The following TOP2A variants were observed in gnomAD, a reference collection of about 807,000 sequenced individuals.
TOP2A encodes DNA topoisomerase II alpha, also known as DNA topoisomerase 2-alpha.
Under a neutral mutation model 187.2 loss-of-function variants are expected in TOP2A, and 68 were observed. The observed-to-expected ratio is 0.36, with a 90% CI of 0.30 to 0.44. The LOEUF is 0.44. Ranked by LOEUF, TOP2A falls within the 20% of genes least tolerant of loss-of-function variation. TOP2A has a pLI of 1.00. For missense variants in TOP2A, 1,196 were observed against 1,808.7 expected (o/e 0.66, Z 6.14); for synonymous variants, 542 against 593.2 (o/e 0.91, Z 1.25).
intron 27 of TOP2A, 122 bp from the exon 28 acceptor site, chr17:40,396,587 A>G: frequency 8.4e-7 from 1 of 1,188,746 alleles, no homozygotes; most frequent in Non-Finnish European, 1.2e-6. Flanking sequence ...AAATTGCTCC[A>G]TAACCTAGTA....
chr17:40,390,524 T>C (rs1703476224), intron 33 of TOP2A, among the ~76,000 whole-genome samples: 1 of 151,936 alleles, frequency 6.6e-6, no homozygotes. Flanking sequence ...TTGTTCTCAT[T>C]GCGAACTTTC....
At chr17:40,410,653 A>G (rs1436978977) in intron 10 of TOP2A, 2 of 455,884 alleles carry the variant, frequency 4.4e-6, no homozygotes, top group Admixed American at 4.7e-5. Context: ...CGGATTAGAG[A>G]GGAGGGGAAA....
intron 4 of TOP2A, among the ~76,000 whole-genome samples, chr17:40,414,854 C>CA (rs531134947): frequency 0.067 from 3,188 of 47,426 alleles, 83 homozygotes; most frequent in African/African-American, 0.13. Flanking sequence ...AAAACTCCAT[C>CA]AAAAAAAAAA....
chr17:40,412,846 A>G lies in TOP2A; in HGVS notation c.702T>C (p.Asp234=), dbSNP rs568310699. 8.1e-6 allele frequency: 13 copies of G among 1,614,010 alleles called. No individual in the cohort carries two copies. In the African/African-American group the frequency reaches 1.1e-4, roughly 13 times the overall value. The change falls in exon 7 of 35, where the codon GAT becomes GAC. Residue 234 remains aspartate (D), a synonymous_variant. Coordinates refer to ENST00000423485, the MANE Select transcript of TOP2A (RefSeq NM_001067.4). Reference sequence around the variant, plus strand: ...CTCTTCTGACCATTAGTGCAACAATATCTTTGTCCAGGCTTTGCATTTTAA... The same window carrying G: ...CTCTTCTGACCATTAGTGCAACAATGTCTTTGTCCAGGCTTTGCATTTTAA... ...SKFKMQSLDK[D]IVALMVRRAY...
In TOP2A at chr17:40,398,542, A is replaced by G. The variant is rs201752684; in HGVS notation, c.3537+16T>C. ...CATTAATAAAAATTCTAACATGGGC[A>G]TTATAAACTACATACCTCCAATTCT... is the stretch of plus-strand genomic sequence containing the variant. On this transcript the variant is annotated intron_variant, in intron 27 of 34. Coordinates refer to ENST00000423485, the MANE Select transcript of TOP2A (RefSeq NM_001067.4). 646 of 1,550,798 alleles carry G rather than the reference A, an allele frequency of 4.2e-4. 1 individual carries two copies. Among genetic ancestry groups the G allele is most frequent in the South Asian group, 9.6e-4 (80 of 83,700 alleles).
rs1163418934 is a variant in TOP2A, at chr17:40,389,508, C to T, written c.*11G>A. Reference sequence around the variant, plus strand: ...TGGTAAGATAATTACTTAAAATAATCGCCTCACATTTTAAAACAGATCATC... The same window carrying T: ...TGGTAAGATAATTACTTAAAATAATTGCCTCACATTTTAAAACAGATCATC... On this transcript the variant is annotated 3_prime_UTR_variant, in exon 35 of 35. Coordinates refer to ENST00000423485, the MANE Select transcript of TOP2A (RefSeq NM_001067.4). The T allele has an allele frequency of 6.3e-6, 10 of 1,576,078 alleles. No homozygotes were observed. The highest frequency in any genetic ancestry group is 2.3e-5 in the South Asian group (2 of 86,066).
In TOP2A at chr17:40,395,477, TCTTTGTTTTAGGC is replaced by T; in HGVS notation, c.3770_3782del (p.Gly1257AspfsTer2). On this transcript the variant is annotated frameshift_variant, in exon 29 of 35. Transcript: ENST00000423485. LOFTEE classifies it high-confidence loss of function. ...GTTCTCTTTTCTGTTTCTTTTCTAA[TCTTTGTTTTAGGC>T]CTTCTAGTTCCACACCATCTTCTTG... The T allele has an allele frequency of 1.2e-6, 2 of 1,611,038 alleles. No homozygotes were observed. The highest frequency in any genetic ancestry group is 1.7e-6 in the Non-Finnish European group (2 of 1,178,458).
chr17:40,406,583 C>T lies in TOP2A; in HGVS notation c.1843+1G>A, dbSNP rs2143664970. 1 of 1,607,372 alleles carries T rather than the reference C, an allele frequency of 6.2e-7. No homozygotes were observed. Among genetic ancestry groups the T allele is most frequent in the African/African-American group, 1.3e-5 (1 of 74,712 alleles). ...AGTTCTATATGGGTTTCATTACAAACCTTTGTAATATTTGACTTTCCATTT... is the reference window on the plus strand; with the variant it reads ...AGTTCTATATGGGTTTCATTACAAATCTTTGTAATATTTGACTTTCCATTT... On this transcript the variant is annotated splice_donor_variant, in intron 15 of 34. Coordinates refer to ENST00000423485, the MANE Select transcript of TOP2A (RefSeq NM_001067.4). LOFTEE classifies it high-confidence loss of function.
chr17:40,416,892 C>T lies in TOP2A; in HGVS notation c.25G>A (p.Val9Ile), dbSNP rs2143697269. The T allele has an allele frequency of 6.3e-7, 1 of 1,594,990 alleles. No homozygotes were observed. The highest frequency in any genetic ancestry group is 8.5e-7 in the Non-Finnish European group (1 of 1,173,182). Residue 9 changes from valine (V) to isoleucine (I), a missense_variant, in exon 2 of 35, where the codon GTA becomes ATA. Physicochemically the swap from Val to Ile is conservative, Grantham distance 29. Around this residue, in one of 10 missense-constraint regions of TOP2A, gnomAD observed 97 missense variants for 171.0 expected, o/e 0.57. Transcript: ENST00000423485. ...TTGTTGACTTGCATATTTTCATTTA[C>T]AGGCTAGCAATTAAAAAAAAAGAGA... MEVSPLQP[V>I]NENMQVNKIK... is the part of the protein sequence containing the mutation.
chr17:40,413,325 G>A, intron 5 of TOP2A, 33 bp from the exon 6 acceptor site: 1 of 1,505,804 alleles, frequency 6.6e-7, no homozygotes, highest in Non-Finnish European at 9.0e-7. Flanking sequence ...CTATTTTATT[G>A]TTACTATCTC....
At position 40,400,532 on chromosome 17, in the gene TOP2A, G is replaced by C. The variant is rs769207091; in HGVS notation, c.2796C>G (p.Thr932=). ...EISELPVRTW[T]QTYKEQVLEP... Reference sequence around the variant, plus strand: ...AAAGAAATCCATAATTATTTACCTGGGTCCATGTTCTGACGGGAAGCTCTG... The same window carrying C: ...AAAGAAATCCATAATTATTTACCTGCGTCCATGTTCTGACGGGAAGCTCTG... The change falls in exon 22 of 35, where the codon ACC becomes ACG. Residue 932 remains threonine (T), a synonymous_variant. Coordinates refer to ENST00000423485, the MANE Select transcript of TOP2A (RefSeq NM_001067.4). 13 of 1,606,758 alleles carry C rather than the reference G, an allele frequency of 8.1e-6. No homozygotes were observed. The highest frequency in any genetic ancestry group is 1.0e-5 in the Non-Finnish European group (12 of 1,177,712).
chr17:40,409,931 C>CG (rs1159924160), intron 10 of TOP2A: 4 of 177,698 alleles, frequency 2.3e-5, no homozygotes, highest in Non-Finnish European at 1.2e-5. Flanking sequence ...AATACAACAA[C>CG]AAAAAAATTA....
At chr17:40,412,028 A>T (rs973011262) in intron 7 of TOP2A, among the ~76,000 whole-genome samples, 1 of 151,492 alleles carries the variant, frequency 6.6e-6, no homozygotes, top group African/African-American at 2.4e-5. Flanking sequence ...CCCCACCTCT[A>T]TTAAAAAGAA....
chr17:40,407,514 G>A, intron 13 of TOP2A, 35 bp downstream of exon 13: 1 of 1,503,662 alleles, frequency 6.7e-7, no homozygotes, highest in Non-Finnish European at 8.9e-7. Context: ...GCTTAATTTA[G>A]TTGAACAATC....
intron 20 of TOP2A, among the ~76,000 whole-genome samples, chr17:40,402,515 TAAAG>T (rs1241122168): frequency 1.3e-5 from 2 of 152,096 alleles, no homozygotes; most frequent in Non-Finnish European, 2.9e-5. Context: ...AGAGGCCAAA[TAAAG>T]AGTTTCAAGA....
chr17:40,402,266 G>A (rs558462523), intron 20 of TOP2A, among the ~76,000 whole-genome samples: 8 of 152,218 alleles, frequency 5.3e-5, no homozygotes, highest in Non-Finnish European at 1.2e-4. Context: ...ATCCAAGTGG[G>A]AAATGTTAAG....
At position 40,392,269 on chromosome 17, in the gene TOP2A, T is replaced by C. The variant is rs1443147068; in HGVS notation, c.4037A>G (p.Glu1346Gly). 5 of 1,612,374 alleles carry C rather than the reference T, an allele frequency of 3.1e-6. No homozygotes were observed. The South Asian group carries it at 5.5e-5, about 18-fold the overall frequency. ...FSDFDEKTDDEDFVPSDASPP... is the reference protein window; with the variant it reads ...FSDFDEKTDDGDFVPSDASPP... ...ACTAGCATCTGATGGGACAAAATCT[T>C]CATCATCAGTTTTTTCATCAAAATC... Residue 1346 changes from glutamate (E) to glycine (G), a missense_variant, in exon 31 of 35, where the codon GAA (glutamate) becomes GGA (glycine). Around this residue, in one of 10 missense-constraint regions of TOP2A, gnomAD observed 374 missense variants for 403.3 expected, o/e 0.93. Transcript: ENST00000423485.
rs1386812191 is a variant in TOP2A, at chr17:40,392,650, T to C, written c.3899A>G (p.Asp1300Gly). The change falls in exon 30 of 35, where the codon GAT becomes GGT. Residue 1300 changes from aspartate (D) to glycine (G), a missense_variant. Physicochemically the swap from Asp to Gly is moderately conservative, Grantham distance 94. Around this residue, in one of 10 missense-constraint regions of TOP2A, gnomAD observed 374 missense variants for 403.3 expected, o/e 0.93. Transcript: ENST00000423485. ...KRNPWSDSES[D>G]RSSDESNFDV... ...AAAATTACTTTCGTCACTGCTCCTA[T>C]CTGATTCTGAATCAGACCAGGGATT... The C allele has an allele frequency of 6.2e-7, 1 of 1,613,722 alleles. No homozygotes were observed. The highest frequency in any genetic ancestry group is 8.5e-7 in the Non-Finnish European group (1 of 1,179,858).
chr17:40,406,722 C>T, intron 14 of TOP2A, 33 bp from the exon 15 acceptor site: 2 of 1,592,296 alleles, frequency 1.3e-6, no homozygotes, highest in South Asian at 2.2e-5. Flanking sequence ...TGGCTTTGTA[C>T]ACTGTGGGGT....
Sources: gnomAD v4.1 joint callset for allele counts (sites outside exome capture counted in the v4.1 genomes callset) on GRCh38, gnomAD v4.1.1 for gene constraint, gnomAD v4.1.1 regional missense constraint, MANE v1.5 for transcripts, NCBI Gene and HGNC (gene_info 2026-07-23, HGNC 2026-07-21) for gene names.